Variants in MYBPC3 observed in about 807,000 individuals in gnomAD.
MYBPC3 encodes the protein myosin binding protein C3.
A neutral mutation model predicts 159.3 loss-of-function variants in MYBPC3; 108 were observed. That is an observed-to-expected ratio of 0.68 (90% CI 0.58 to 0.80). The LOEUF (loss-of-function observed/expected upper bound fraction) is 0.80. Ranked by LOEUF, MYBPC3 falls within the 30% of genes least tolerant of loss-of-function variation. The pLI, the probability that MYBPC3 is intolerant of heterozygous loss-of-function variation, is 0.00. For missense variants in MYBPC3, 1,631 were observed against 1,762.1 expected, an observed-to-expected ratio of 0.93 and a Z score of 1.33; for synonymous variants, 730 against 702.0, an observed-to-expected ratio of 1.04 and a Z score of -0.63.
In MYBPC3 at chr11:47,332,326, G is replaced by A; in HGVS notation, c.3628-68C>T. On this transcript the variant is annotated intron_variant, in intron 32 of 34. Coordinates refer to ENST00000545968, the MANE Select transcript of MYBPC3 (RefSeq NM_000256.3). The surrounding 1 kb of genome is among the most constrained non-coding windows in gnomAD (Gnocchi z 4.2). Reference sequence around the variant, plus strand: ...AGAGGGGACCTGGCAGGGACCCAGGGAGACACATCTGTGTTTCTACTCGGG... The same window carrying A: ...AGAGGGGACCTGGCAGGGACCCAGGAAGACACATCTGTGTTTCTACTCGGG... The A allele has an allele frequency of 7.7e-6, 12 of 1,553,164 alleles. No homozygotes were observed. Among genetic ancestry groups the A allele is most frequent in the Non-Finnish European group, 1.1e-5 (12 of 1,126,736 alleles).
chr11:47,346,807 G>A lies in MYBPC3; in HGVS notation c.909-163C>T, dbSNP rs1385578751. 1.3e-5 allele frequency among the ~76,000 whole-genome samples: 2 copies of A among 152,126 alleles called. No individual in the cohort carries two copies. Among genetic ancestry groups the A allele is most frequent in the East Asian group, 1.9e-4 (1 of 5,192 alleles). On this transcript the variant is annotated intron_variant, in intron 10 of 34. Coordinates refer to ENST00000545968, the MANE Select transcript of MYBPC3 (RefSeq NM_000256.3). This position sits in a 1 kb window ranked among gnomAD's most constrained non-coding sequence, Gnocchi z 5.3. ...GCACCCATGCTGCTCCGGAGGCTCT[G>A]GCAGGACCTCCTGTGTGCATTACTT...
chr11:47,344,230 G>A (rs867545607), intron 12 of MYBPC3, among the ~76,000 whole-genome samples: 1 of 152,224 alleles, frequency 6.6e-6, no homozygotes, highest in Admixed American at 6.5e-5. Flanking sequence ...CAGGAGAACT[G>A]GGGCTGGGAC....
Position 47,335,961 on chromosome 11 carries a change from T to C in MYBPC3, c.2653A>G (p.Thr885Ala). 1 of 1,564,690 alleles carries C rather than the reference T, an allele frequency of 6.4e-7. No homozygotes were observed. Residue 885 changes from threonine (T) to alanine (A), a missense_variant, in exon 26 of 35, where the codon ACG becomes GCG. Coordinates refer to ENST00000545968, the MANE Select transcript of MYBPC3 (RefSeq NM_000256.3). ...GGGGGCCGCCACTTGAGGGAGACCG[T>C]GGTGTCAGAGACGTCCTCTACTGCC... ...HLAVEDVSDT[T>A]VSLKWRPPER...
At position 47,341,129 on chromosome 11, in the gene MYBPC3, C is replaced by A; in HGVS notation, c.1897+9G>T. On this transcript the variant is annotated intron_variant, in intron 19 of 34. Transcript: ENST00000545968. The stretch of plus-strand genomic sequence containing the variant: ...TGCCCCGACCCACCCTACCCTGGAG[C>A]AGGCTCACCCATGAAGTGGAGCTTG... The A allele has an allele frequency of 6.3e-7, 1 of 1,583,718 alleles. No homozygotes were observed. Among genetic ancestry groups the A allele is most frequent in the Non-Finnish European group, 8.6e-7 (1 of 1,163,156 alleles).
rs778718628 is a variant in MYBPC3, at chr11:47,343,085, C to T, written c.1287G>A (p.Ala429=). The T allele has an allele frequency of 8.7e-6, 14 of 1,611,954 alleles. No individual in the cohort carries two copies. The highest frequency in any genetic ancestry group is 6.7e-5 in the African/African-American group (5 of 74,884). ...RTLTISQCSL[A]DDAAYQCVVG... ...CCACGCACTGGTAGGCTGCGTCGTCCGCCAATGAGCACTGGCTGATGGTCA... is the reference window on the plus strand; with the variant it reads ...CCACGCACTGGTAGGCTGCGTCGTCTGCCAATGAGCACTGGCTGATGGTCA... The change falls in exon 15 of 35, where the codon GCG becomes GCA. Residue 429 remains alanine, a synonymous_variant. Transcript: ENST00000545968.
Position 47,346,248 on chromosome 11 carries a change from T to A in MYBPC3, c.1049A>T (p.Lys350Met). Residue 350 changes from lysine to methionine, a missense_variant, in exon 12 of 35, where the codon AAG becomes ATG. By Grantham distance (95) the Lys-to-Met change is moderately conservative. Coordinates refer to ENST00000545968, the MANE Select transcript of MYBPC3 (RefSeq NM_000256.3). This position sits in a 1 kb window ranked among gnomAD's most constrained non-coding sequence, Gnocchi z 5.3. ...YGVTDLRGML[K>M]RLKGMRRDEK... is the part of the protein sequence containing the mutation. ...ATCGCGCCTCATGCCCTTGAGCCTC[T>A]TTAGCATGCCGCGCAGGTCAGTGAC... 6.2e-7 allele frequency: 1 copy of A among 1,613,944 alleles called. No homozygotes were observed. Among genetic ancestry groups the A allele is most frequent in the Non-Finnish European group, 8.5e-7 (1 of 1,179,850 alleles).
At chr11:47,349,100 ACAG>A (rs2095897671) in intron 5 of MYBPC3, among the ~76,000 whole-genome samples, 1 of 151,344 alleles carries the variant, frequency 6.6e-6, no homozygotes, top group Non-Finnish European at 1.5e-5. Flanking sequence ...ACAGCCCCGC[ACAG>A]CAGAACATGT....
chr11:47,351,199 CAG>C lies in MYBPC3; in HGVS notation c.292+38_292+39del. On this transcript the variant is annotated intron_variant, in intron 2 of 34. Coordinates refer to ENST00000545968, the MANE Select transcript of MYBPC3 (RefSeq NM_000256.3). This position sits in a 1 kb window ranked among gnomAD's most constrained non-coding sequence, Gnocchi z 4.2. ...GAGAGTCGCTGGGCTGCCCCTCCCC[CAG>C]CAGCCCAAACCTCAGGGAAGGCTGA... is the stretch of plus-strand genomic sequence containing the variant. 4.8e-6 allele frequency: 7 copies of C among 1,469,090 alleles called. No individual in the cohort carries two copies. Among genetic ancestry groups the C allele is most frequent in the East Asian group, 2.5e-5 (1 of 39,390 alleles). The allele number at this position is 1,469,090 out of a possible 1,614,324, so 91.0% of individuals were successfully genotyped here. A position where few individuals can be genotyped will look rare whatever the true frequency, so the allele number is the denominator to read the frequency against.
At position 47,333,307 on chromosome 11, in the gene MYBPC3, G is replaced by A. The variant is rs368973872; in HGVS notation, c.3217C>T (p.Arg1073Trp). The change falls in exon 30 of 35, where the codon CGG becomes TGG. Residue 1073 changes from arginine (R) to tryptophan (W), a missense_variant. Arg to Trp is a moderately radical substitution (Grantham distance 101). Coordinates refer to ENST00000545968, the MANE Select transcript of MYBPC3 (RefSeq NM_000256.3). ...VDKPSPPQDL[R>W]VTDAWGLNVA... Reference sequence around the variant, plus strand: ...TTAAGACCCCAGGCGTCAGTCACCCGGAGATCCTGGGGAGGACTTGGCTTG... The same window carrying A: ...TTAAGACCCCAGGCGTCAGTCACCCAGAGATCCTGGGGAGGACTTGGCTTG... 1.3e-5 allele frequency: 21 copies of A among 1,587,006 alleles called. No homozygotes were observed. The highest frequency in any genetic ancestry group is 4.0e-5 in the African/African-American group (3 of 74,368).
In MYBPC3 at chr11:47,342,708, G is replaced by C. The variant is rs397515906; in HGVS notation, c.1494C>G (p.Thr498=). The change falls in exon 17 of 35, where the codon ACC becomes ACG. Residue 498 remains threonine, a synonymous_variant. Coordinates refer to ENST00000545968, the MANE Select transcript of MYBPC3 (RefSeq NM_000256.3). The part of the protein sequence containing the change: ...KDGVELTREE[T]FKYRFKKDGQ... ...CGTCCTTCTTGAACCGGTATTTGAA[G>C]GTCTCCTCCCGGGTCAGCTCCACCC... is the stretch of plus-strand genomic sequence containing the variant. 65 of 1,613,904 alleles carry C rather than the reference G, an allele frequency of 4.0e-5. No individual in the cohort carries two copies. The Middle Eastern group carries it at 4.9e-4, about 12-fold the overall frequency.
chr11:47,336,214 A>G (rs1422062231), intron 25 of MYBPC3, among the ~76,000 whole-genome samples: 1 of 152,122 alleles, frequency 6.6e-6, no homozygotes, highest in Non-Finnish European at 1.5e-5. Flanking sequence ...GCAGCCAGGC[A>G]CGGTGGCTCA....
Position 47,339,792 on chromosome 11 carries a change from T to C in MYBPC3, c.1928-2A>G, listed in dbSNP as rs397515937. 20 of 1,613,134 alleles carry C rather than the reference T, an allele frequency of 1.2e-5. No homozygotes were observed. Among genetic ancestry groups the C allele is most frequent in the Non-Finnish European group, 1.6e-5 (19 of 1,179,190 alleles). On this transcript the variant is annotated splice_acceptor_variant, in intron 20 of 34. Coordinates refer to ENST00000545968, the MANE Select transcript of MYBPC3 (RefSeq NM_000256.3). LOFTEE classifies it high-confidence loss of function. ...AGTCCAGGTGGATCTTGGGAGGTTC[T>C]GCAGAAGACACAATGTAGTTCAGAG...
At position 47,335,007 on chromosome 11, in the gene MYBPC3, T is replaced by C. The variant is rs11570107; in HGVS notation, c.2905+35A>G. The C allele has an allele frequency of 2.5e-3, 3,685 of 1,446,258 alleles. 16 individuals carry two copies. Among genetic ancestry groups the C allele is most frequent in the Non-Finnish European group, 3.0e-3 (3,310 of 1,087,568 alleles). 89.6% of individuals were successfully genotyped at this position (1,446,258 alleles called of 1,614,324 possible). On this transcript the variant is annotated intron_variant, in intron 27 of 34. Transcript: ENST00000545968. ...GGACACCAAGGGCCTGGGGTGTCAA[T>C]GGCGGGTCTTGTGACTGCACAAAGG...
Position 47,333,215 on chromosome 11 carries a change from C to A in MYBPC3, c.3309G>T (p.Gln1103His). The A allele has an allele frequency of 6.2e-7, 1 of 1,600,798 alleles. No homozygotes were observed. The highest frequency in any genetic ancestry group is 8.5e-7 in the Non-Finnish European group (1 of 1,173,578). Residue 1103 changes from glutamine (Q) to histidine (H), a missense_variant, in exon 30 of 35, where the codon CAG becomes CAT. Gln to His is a conservative substitution (Grantham distance 24). Coordinates refer to ENST00000545968, the MANE Select transcript of MYBPC3 (RefSeq NM_000256.3). ...GNTELWGYTV[Q>H]KADKKTMEWF... ...TCACCATGGTCTTCTTGTCGGCTTT[C>A]TGCACTGTGTACCCCCAGAGCTCCG...
rs58411933 is a variant in MYBPC3, at chr11:47,348,908, TTA to T, written c.655-369_655-368del. On this transcript the variant is annotated intron_variant, in intron 5 of 34. Transcript: ENST00000545968. ...CGACAGAGCGAGACCCTGTCTCAAATTATATATATATATATATATTTAAAGGA... is the reference window on the plus strand; with the variant it reads ...CGACAGAGCGAGACCCTGTCTCAAATTATATATATATATATATTTAAAGGA... Among the ~76,000 whole-genome samples the T allele has an allele frequency of 1.4e-3, 56 of 39,874 alleles. 15 individuals are homozygous for T. The highest frequency in any genetic ancestry group is 2.1e-3 in the Non-Finnish European group (39 of 18,628). 26.2% of individuals were successfully genotyped at this position (39,874 alleles called of 152,430 possible).
intron 26 of MYBPC3, 21 bp from the exon 27 acceptor site, chr11:47,335,230 G>A: frequency 6.4e-7 from 1 of 1,568,802 alleles, no homozygotes; most frequent in Non-Finnish European, 8.7e-7. Context: ...GGAGGGGGAG[G>A]CAAGGCCACA....
In MYBPC3 at chr11:47,348,449, G is replaced by T. The variant is rs771929829; in HGVS notation, c.747C>A (p.Cys249Ter). 1.9e-6 allele frequency: 3 copies of T among 1,612,830 alleles called. No individual in the cohort carries two copies. The highest frequency in any genetic ancestry group is 2.5e-6 in the Non-Finnish European group (3 of 1,179,352). Residue 249 changes from cysteine (C) to a stop codon, truncating the protein, a stop_gained, in exon 6 of 35, where the codon TGC becomes TGA. Coordinates refer to ENST00000545968, the MANE Select transcript of MYBPC3 (RefSeq NM_000256.3). LOFTEE classifies it high-confidence loss of function. ...CGTGGACAGTGAGATTGAAGTTGGA[G>T]CAGTCAAATTTGTCCTTGGTGGACA... ...CEVSTKDKFDCSNFNLTVHEA... is the reference protein window; with the variant it reads ...CEVSTKDKFD
At position 47,346,693 on chromosome 11, in the gene MYBPC3, T is replaced by A; in HGVS notation, c.909-49A>T. On this transcript the variant is annotated intron_variant, in intron 10 of 34. Transcript: ENST00000545968. This position sits in a 1 kb window ranked among gnomAD's most constrained non-coding sequence, Gnocchi z 5.3. ...GAAAGGGTAGGTGGCACATGAGAGG[T>A]ATGGCCACCTTCCCTCAAAGACCTG... 3 of 1,559,152 alleles carry A rather than the reference T, an allele frequency of 1.9e-6. No individual in the cohort carries two copies. Among genetic ancestry groups the A allele is most frequent in the South Asian group, 2.4e-5 (2 of 83,378 alleles).
intron 4 of MYBPC3, 44 bp downstream of exon 4, chr11:47,349,970 C>T (rs781210417): frequency 5.8e-6 from 9 of 1,564,074 alleles, no homozygotes; most frequent in East Asian, 2.4e-5. Flanking sequence ...GTCCTGCTGC[C>T]CCCCCTTCCC....
Sources: gnomAD v4.1 joint callset for allele counts (sites outside exome capture counted in the v4.1 genomes callset) on GRCh38, gnomAD v4.1.1 for gene constraint, Gnocchi (gnomAD v3.1) non-coding constraint, MANE v1.5 for transcripts, NCBI Gene and HGNC (gene_info 2026-07-23, HGNC 2026-07-21) for gene names.